Variants in TMEM230 observed in about 807,000 individuals in gnomAD.
The protein encoded by TMEM230 is UPF0414 transmembrane protein C20orf30.
TMEM230 carries 10 observed loss-of-function variants against 15.8 expected under a neutral mutation model. That is an observed-to-expected ratio of 0.63 (90% CI 0.39 to 1.07). The LOEUF (loss-of-function observed/expected upper bound fraction) is 1.07. Among genes scored for constraint, TMEM230 ranks in the 50% least tolerant of loss-of-function variants. The pLI is 0.01. For missense variants in TMEM230, 165 were observed against 193.3 expected (o/e 0.85, Z 0.87); for synonymous variants, 67 against 76.9 (o/e 0.87, Z 0.68).
At chr20:5,084,033 G>A (rs967430607) in intron 3 of TMEM230, among the ~76,000 whole-genome samples, 2 of 151,962 alleles carry the variant, frequency 1.3e-5, no homozygotes, top group Non-Finnish European at 2.9e-5. Context: ...AGTAGGCCTC[G>A]GTGTCAACTG....
At chr20:5,106,741 T>C (rs991166061) in intron 3 of TMEM230, among the ~76,000 whole-genome samples, 1 of 152,104 alleles carries the variant, frequency 6.6e-6, no homozygotes, top group Non-Finnish European at 1.5e-5. Context: ...AGTCTTGCTC[T>C]ATCACCCAGG....
chr20:5,103,103 C>T (rs1337580419), intron 4 of TMEM230, among the ~76,000 whole-genome samples: 4 of 152,216 alleles, frequency 2.6e-5, no homozygotes, highest in African/African-American at 9.6e-5. Context: ...GTGGCTCACG[C>T]CTGTAATCCC....
Position 5,100,899 on chromosome 20 carries a change from A to T in TMEM230, c.444T>A (p.Ile148=). The change falls in exon 5 of 5, where the codon ATT becomes ATA. Residue 148 remains isoleucine (I), a synonymous_variant. Coordinates refer to ENST00000342308, the MANE Select transcript of TMEM230 (RefSeq NM_001009923.2). ...ATCCGGGTAGGAACACCAGAATGCC[A>T]ATGATCAGCACTGGAACGGCCCGGT... is the stretch of plus-strand genomic sequence containing the variant. 1 of 1,614,226 alleles carries T rather than the reference A, an allele frequency of 6.2e-7. No homozygotes were observed. The highest frequency in any genetic ancestry group is 8.5e-7 in the Non-Finnish European group (1 of 1,180,032).
intron 3 of TMEM230, among the ~76,000 whole-genome samples, chr20:5,083,242 C>G (rs2089234786): frequency 1.3e-5 from 2 of 148,906 alleles, no homozygotes; most frequent in African/African-American, 5.0e-5. Flanking sequence ...TCTTCATATA[C>G]TTGATGATGT....
At chr20:5,095,415 C>A (rs1469910579), downstream of TMEM230, among the ~76,000 whole-genome samples, 1 of 152,204 alleles carries the variant, frequency 6.6e-6, no homozygotes, top group East Asian at 1.9e-4. Context: ...CACCGACCTT[C>A]CTCATCTTTG....
downstream of TMEM230, among the ~76,000 whole-genome samples, chr20:5,096,828 T>C (rs552558979): frequency 2.8e-4 from 42 of 152,330 alleles, no homozygotes; most frequent in African/African-American, 9.9e-4. Flanking sequence ...ATTCCAGCTC[T>C]TCATTTGATA....
chr20:5,080,153 A>G (rs1367493136), intron 3 of TMEM230, among the ~76,000 whole-genome samples: 2 of 152,204 alleles, frequency 1.3e-5, no homozygotes, highest in East Asian at 1.9e-4. Context: ...CTCAATTTTG[A>G]TATTATTTGT....
downstream of TMEM230, among the ~76,000 whole-genome samples, chr20:5,095,195 G>A (rs1362373895): frequency 6.6e-6 from 1 of 152,156 alleles, no homozygotes; most frequent in African/African-American, 2.4e-5. Flanking sequence ...CTCTTCTTGT[G>A]TTAGTGAGAG....
At chr20:5,079,567 A>G (rs939139273) in intron 3 of TMEM230, among the ~76,000 whole-genome samples, 1 of 152,160 alleles carries the variant, frequency 6.6e-6, no homozygotes, top group Non-Finnish European at 1.5e-5. Flanking sequence ...AGATCACTAC[A>G]GCCTCCAACT....
chr20:5,104,499 T>C (rs117666286), intron 4 of TMEM230, among the ~76,000 whole-genome samples: 1,688 of 152,348 alleles, frequency 0.011, 83 homozygotes, highest in Admixed American at 0.081. Context: ...AACTACCATA[T>C]GATCCAGCAA....
At chr20:5,072,669 T>C (rs953924368) in intron 3 of TMEM230, among the ~76,000 whole-genome samples, 1 of 151,674 alleles carries the variant, frequency 6.6e-6, no homozygotes, top group African/African-American at 2.4e-5. Flanking sequence ...ACCAATATGG[T>C]GAAACCCTGT....
chr20:5,071,149 T>G (rs893904354), intron 3 of TMEM230, among the ~76,000 whole-genome samples: 2 of 151,848 alleles, frequency 1.3e-5, no homozygotes, highest in Admixed American at 6.6e-5. Context: ...AGCTTGGGAG[T>G]GCGGATACCT....
rs756311228 is a variant in TMEM230, at chr20:5,109,416, A to T, written c.204T>A (p.Arg68=). Residue 68 remains arginine, a synonymous_variant, in exon 3 of 5, where the codon CGT becomes CGA. Coordinates refer to ENST00000342308, the MANE Select transcript of TMEM230 (RefSeq NM_001009923.2). ...TGGGGATTCCAGTAGCCAGGTTGGTACGGGACGGCATCATAACACGCTGAC... is the reference window on the plus strand; with the variant it reads ...TGGGGATTCCAGTAGCCAGGTTGGTTCGGGACGGCATCATAACACGCTGAC... 6.2e-7 allele frequency: 1 copy of T among 1,613,772 alleles called. No individual in the cohort carries two copies. Among genetic ancestry groups the T allele is most frequent in the Non-Finnish European group, 8.5e-7 (1 of 1,179,856 alleles).
chr20:5,085,158 A>T (rs747222542), intron 3 of TMEM230, among the ~76,000 whole-genome samples: 6 of 152,034 alleles, frequency 3.9e-5, no homozygotes, highest in Non-Finnish European at 7.4e-5. Flanking sequence ...GCCACCTACA[A>T]CATCCTCTCT....
intron 4 of TMEM230, among the ~76,000 whole-genome samples, chr20:5,105,198 A>G (rs2122768919): frequency 6.6e-6 from 1 of 152,332 alleles, no homozygotes; most frequent in South Asian, 2.1e-4. Flanking sequence ...AGGCAGGAGA[A>G]TCACTTGAAC....
chr20:5,085,091 A>G (rs1317788616), intron 3 of TMEM230, among the ~76,000 whole-genome samples: 4 of 152,044 alleles, frequency 2.6e-5, no homozygotes, highest in Non-Finnish European at 4.4e-5. Context: ...TGTTACCTGA[A>G]AGTTTATCCC....
downstream of TMEM230, among the ~76,000 whole-genome samples, chr20:5,064,884 C>G (rs1410202729): frequency 6.6e-6 from 1 of 151,496 alleles, no homozygotes; most frequent in Non-Finnish European, 1.5e-5. Context: ...TAAAAAAATA[C>G]CAGGGGCTAG....
chr20:5,110,594 T>C (rs974677714), intron 2 of TMEM230, among the ~76,000 whole-genome samples: 3 of 152,306 alleles, frequency 2.0e-5, no homozygotes, highest in Non-Finnish European at 4.4e-5. Flanking sequence ...TAAATTTGGA[T>C]ACAGGCCTGG....
chr20:5,099,997 T>G lies in TMEM230; in HGVS notation c.*794A>C. 1 of 985,364 alleles carries G rather than the reference T, an allele frequency of 1.0e-6. No homozygotes were observed. The highest frequency in any genetic ancestry group is 4.7e-5 in the South Asian group (1 of 21,286). The allele number at this position is 985,364 out of a possible 1,614,324, so 61.0% of individuals were successfully genotyped here. The stretch of plus-strand genomic sequence containing the variant: ...GCATCCAGGCTGATCCTTGGAATCA[T>G]GAGCAGAATGATGACATACTACAAG... On this transcript the variant is annotated 3_prime_UTR_variant, in exon 5 of 5. Transcript: ENST00000342308.
Sources: gnomAD v4.1 joint callset for allele counts (sites outside exome capture counted in the v4.1 genomes callset) on GRCh38, gnomAD v4.1.1 for gene constraint, MANE v1.5 for transcripts, NCBI Gene and HGNC (gene_info 2026-07-23, HGNC 2026-07-21) for gene names.